ABHD6: variants seen among roughly 807,000 people sequenced by gnomAD.
The protein encoded by ABHD6 is abhydrolase domain containing 6, acylglycerol lipase.
In ABHD6, 33 loss-of-function variants were observed where a neutral mutation model predicts 38.8. That is an observed-to-expected ratio of 0.85 (90% CI 0.64 to 1.14). The LOEUF (loss-of-function observed/expected upper bound fraction) is 1.14. ABHD6 is among the 50% of genes most tolerant of loss of function. ABHD6 has a pLI of 0.00. For missense variants in ABHD6, 380 were observed against 422.6 expected (o/e 0.90, Z 0.88); for synonymous variants, 147 against 161.6 (o/e 0.91, Z 0.69).
chr3:58,271,764 C>CTTTTTTTTTTTTTTTTTTTTTTTTTTTTT (rs1302501356), intron 6 of ABHD6, among the ~76,000 whole-genome samples: 1 of 78,112 alleles, frequency 1.3e-5, no homozygotes, highest in African/African-American at 4.7e-5. Context: ...CCCCCTCTCT[C>CTTTTTTTTTTTTTTTTTTTTTTTTTTTTT]TGTTTTTTTT....
In ABHD6 at chr3:58,285,182, G is replaced by A; in HGVS notation, c.736+43G>A. 6.3e-7 allele frequency: 1 copy of A among 1,593,720 alleles called. No homozygotes were observed. Among genetic ancestry groups the A allele is most frequent in the Non-Finnish European group, 8.6e-7 (1 of 1,161,460 alleles). Reference sequence around the variant, plus strand: ...CAGCTTGGAGCTTGTTACAAGTGAAGCTCTGTGGATGGATGGCTTTTATTT... The same window carrying A: ...CAGCTTGGAGCTTGTTACAAGTGAAACTCTGTGGATGGATGGCTTTTATTT... On this transcript the variant is annotated intron_variant, in intron 8 of 9. Coordinates refer to ENST00000478253, the MANE Select transcript of ABHD6 (RefSeq NM_001320126.2). The surrounding 1 kb of genome is among the most constrained non-coding windows in gnomAD (Gnocchi z 4.9).
intron 1 of ABHD6, among the ~76,000 whole-genome samples, chr3:58,248,647 G>A (rs1231250751): frequency 3.9e-5 from 6 of 152,326 alleles, no homozygotes; most frequent in African/African-American, 1.4e-4. Flanking sequence ...GCGGTGAGCT[G>A]AGATCGCGGC....
rs377158094 is a variant in ABHD6 at position 58,269,394 on chromosome 3, A to T, written c.350A>T (p.Asp117Val). 4.3e-6 allele frequency: 7 copies of T among 1,613,936 alleles called. No individual in the cohort carries two copies. Among genetic ancestry groups the T allele is most frequent in the Non-Finnish European group, 5.1e-6 (6 of 1,179,880 alleles). Residue 117 changes from aspartate to valine, a missense_variant, in exon 5 of 10, where the codon GAT (aspartate) becomes GTT (valine). By Grantham distance (152) the Asp-to-Val change is radical (BLOSUM62 -3). Coordinates refer to ENST00000478253, the MANE Select transcript of ABHD6 (RefSeq NM_001320126.2). This position sits in a 1 kb window ranked among gnomAD's most constrained non-coding sequence, Gnocchi z 4.4. ...GAGGGCACCACCCGCTCCTCCCTGG[A>T]TGACCTGTCCATAGATGGGCAAGTT... ...GHEGTTRSSL[D>V]DLSIDGQVKR...
chr3:58,290,740 G>T (rs1444756731), intron 9 of ABHD6, among the ~76,000 whole-genome samples: 2 of 151,564 alleles, frequency 1.3e-5, no homozygotes, highest in Non-Finnish European at 2.9e-5. Flanking sequence ...CATCCCAGAC[G>T]GGCCGGCGGG....
intron 9 of ABHD6, among the ~76,000 whole-genome samples, chr3:58,286,023 TTG>T: frequency 1.5e-5 from 1 of 68,200 alleles, no homozygotes; most frequent in Non-Finnish European, 2.6e-5. Context: ...TTTTGTTCTT[TTG>T]TTTTTTTTTT....
In ABHD6 at chr3:58,251,281, C is replaced by T. The variant is rs1343869402; in HGVS notation, c.-26+1339C>T. 6.7e-6 allele frequency among the ~76,000 whole-genome samples: 1 copy of T among 149,946 alleles called. No individual in the cohort carries two copies. The highest frequency in any genetic ancestry group is 2.5e-5 in the African/African-American group (1 of 40,286). On this transcript the variant is annotated intron_variant, in intron 2 of 9. Coordinates refer to ENST00000478253, the MANE Select transcript of ABHD6 (RefSeq NM_001320126.2). This position sits in a 1 kb window ranked among gnomAD's most constrained non-coding sequence, Gnocchi z 5.4. ...GCAGTGAGCCAAGATTGTACCACTA[C>T]ACTCCAGCCTGGCTGACAGAGCGAG...
chr3:58,293,753 G>A lies in ABHD6; in HGVS notation c.1002G>A (p.Lys334=). 1 of 1,614,096 alleles carries A rather than the reference G, an allele frequency of 6.2e-7. No homozygotes were observed. The highest frequency in any genetic ancestry group is 8.5e-7 in the Non-Finnish European group (1 of 1,179,978). ...CTGTGCACAACACAGACAACAACAAGAAGCTGGACTGAGGCCCCGACTGCA... is the reference window on the plus strand; with the variant it reads ...CTGTGCACAACACAGACAACAACAAAAAGCTGGACTGAGGCCCCGACTGCA... ...LASVHNTDNN[K]KLD Residue 334 remains lysine, a synonymous_variant, in exon 10 of 10, where the codon AAG becomes AAA. Coordinates refer to ENST00000478253, the MANE Select transcript of ABHD6 (RefSeq NM_001320126.2). This position sits in a 1 kb window ranked among gnomAD's most constrained non-coding sequence, Gnocchi z 4.4.
rs747904047 is a variant in ABHD6, at chr3:58,285,437, G to C, written c.821G>C (p.Trp274Ser). The C allele has an allele frequency of 6.2e-7, 1 of 1,614,022 alleles. No homozygotes were observed. The highest frequency in any genetic ancestry group is 1.7e-5 in the Admixed American group (1 of 60,028). ...DKIKVPTQII[W>S]GKQDQVLDVS... ...ATCAAGGTTCCGACGCAGATCATCTGGGGGAAACAAGACCAGGTATGTAAC... is the reference window on the plus strand; with the variant it reads ...ATCAAGGTTCCGACGCAGATCATCTCGGGGAAACAAGACCAGGTATGTAAC... The change falls in exon 9 of 10, where the codon TGG becomes TCG. Residue 274 changes from tryptophan to serine, a missense_variant. Coordinates refer to ENST00000478253, the MANE Select transcript of ABHD6 (RefSeq NM_001320126.2). This position sits in a 1 kb window ranked among gnomAD's most constrained non-coding sequence, Gnocchi z 4.9.
At chr3:58,286,846 G>GTATATATATATATATATATATA (rs57921434) in intron 9 of ABHD6, among the ~76,000 whole-genome samples, 2 of 90,224 alleles carry the variant, frequency 2.2e-5, no homozygotes, top group East Asian at 4.7e-4. Flanking sequence ...GTGTGTGTGT[G>GTATATATATATATATATATATA]TGTGTGTATA....
chr3:58,270,499 T>G (rs2097444052), intron 5 of ABHD6, among the ~76,000 whole-genome samples: 1 of 130,388 alleles, frequency 7.7e-6, no homozygotes, highest in South Asian at 2.3e-4. Flanking sequence ...AAACCTCATC[T>G]CTACAAAAAA....
At chr3:58,246,123 T>G (rs2097426235) in intron 1 of ABHD6, among the ~76,000 whole-genome samples, 1 of 152,248 alleles carries the variant, frequency 6.6e-6, no homozygotes, top group South Asian at 2.1e-4. Flanking sequence ...TCAAAGCCTG[T>G]TGTGGGCTCC....
intron 3 of ABHD6, among the ~76,000 whole-genome samples, chr3:58,261,594 C>G (rs1213676065): frequency 4.6e-5 from 7 of 152,164 alleles, no homozygotes; most frequent in Admixed American, 4.6e-4. Context: ...GCGATCCACC[C>G]ACCTTGCCCT....
intron 4 of ABHD6, among the ~76,000 whole-genome samples, chr3:58,268,631 T>G (rs1034225229): frequency 1.3e-5 from 2 of 152,216 alleles, no homozygotes. Flanking sequence ...GTTAGTTGTA[T>G]TCTTATTTCC....
rs1461452597 is a variant in ABHD6 at position 58,259,809 on chromosome 3, A to G, written c.119+3104A>G. On this transcript the variant is annotated intron_variant, in intron 3 of 9. Coordinates refer to ENST00000478253, the MANE Select transcript of ABHD6 (RefSeq NM_001320126.2). The surrounding 1 kb of genome is among the most constrained non-coding windows in gnomAD (Gnocchi z 4.7). ...TAATTTCAAATATTTCCACCTCCCC[A>G]AAGGAGTCCCCATACCTAGTAGCCA... Among the ~76,000 whole-genome samples the G allele has an allele frequency of 6.6e-6, 1 of 152,210 alleles. No individual in the cohort carries two copies. The highest frequency in any genetic ancestry group is 1.5e-5 in the Non-Finnish European group (1 of 68,032).
rs150589714 is a variant in ABHD6, at chr3:58,257,061, C to T, written c.119+356C>T. Among the ~76,000 whole-genome samples, 6 of 152,072 alleles carry T rather than the reference C, an allele frequency of 3.9e-5. No homozygotes were observed. The highest frequency in any genetic ancestry group is 1.9e-4 in the East Asian group (1 of 5,178). Reference sequence around the variant, plus strand: ...GAGATTTTACAGGTGTATGCCACCACGCCCGGCTAATTTTTTTTGTATTTT... The same window carrying T: ...GAGATTTTACAGGTGTATGCCACCATGCCCGGCTAATTTTTTTTGTATTTT... On this transcript the variant is annotated intron_variant, in intron 3 of 9. Coordinates refer to ENST00000478253, the MANE Select transcript of ABHD6 (RefSeq NM_001320126.2). The surrounding 1 kb of genome is among the most constrained non-coding windows in gnomAD (Gnocchi z 4.8).
In ABHD6 at chr3:58,285,458, G is replaced by C. The variant is rs1350110295; in HGVS notation, c.837+5G>C. 6.2e-7 allele frequency: 1 copy of C among 1,612,522 alleles called. No homozygotes were observed. On this transcript the variant is annotated splice_donor_5th_base_variant and intron_variant, in intron 9 of 9. Transcript: ENST00000478253. This position sits in a 1 kb window ranked among gnomAD's most constrained non-coding sequence, Gnocchi z 4.9. ...ATCTGGGGGAAACAAGACCAGGTAT[G>C]TAACACATCCCCGCGGCAGTCTGTG...
rs1337067011 is a variant in ABHD6 at position 58,256,240 on chromosome 3, A to G, written c.-25-322A>G. Among the ~76,000 whole-genome samples the G allele has an allele frequency of 6.6e-6, 1 of 152,044 alleles. No homozygotes were observed. Among genetic ancestry groups the G allele is most frequent in the African/African-American group, 2.4e-5 (1 of 41,394 alleles). On this transcript the variant is annotated intron_variant, in intron 2 of 9. Transcript: ENST00000478253. This position sits in a 1 kb window ranked among gnomAD's most constrained non-coding sequence, Gnocchi z 4.3. ...TCTCCTACATACATACATAATCACA[A>G]TTTCATCATCATACTCAAGAATTGT...
intron 7 of ABHD6, among the ~76,000 whole-genome samples, chr3:58,278,106 G>C (rs2097450053): frequency 6.6e-6 from 1 of 152,174 alleles, no homozygotes; most frequent in Non-Finnish European, 1.5e-5. Context: ...GCATCAGGAT[G>C]ATGCAGGCCT....
At chr3:58,288,134 G>C (rs1455332835) in intron 9 of ABHD6, among the ~76,000 whole-genome samples, 1 of 152,162 alleles carries the variant, frequency 6.6e-6, no homozygotes, top group Non-Finnish European at 1.5e-5. Flanking sequence ...TGGGACAGAG[G>C]CCAAATAGCA....
Sources: gnomAD v4.1 joint callset for allele counts (sites outside exome capture counted in the v4.1 genomes callset) on GRCh38, gnomAD v4.1.1 for gene constraint, Gnocchi (gnomAD v3.1) non-coding constraint, MANE v1.5 for transcripts, NCBI Gene and HGNC (gene_info 2026-07-23, HGNC 2026-07-21) for gene names.